NRG3: variants seen among roughly 807,000 people sequenced by gnomAD.
NRG3 encodes the protein neuregulin 3.
Under a neutral mutation model 66.9 loss-of-function variants are expected in NRG3, and 31 were observed. That is an observed-to-expected ratio of 0.46 (90% CI 0.35 to 0.63). The LOEUF (loss-of-function observed/expected upper bound fraction) is 0.63. Among genes scored for constraint, NRG3 ranks in the 20% least tolerant of loss-of-function variants. The pLI is 0.00. For missense variants in NRG3, 910 were observed against 878.9 expected (o/e 1.04, Z -0.45); for synonymous variants, 393 against 359.4 (o/e 1.09, Z -1.06).
At chr10:82,028,505 A>G (rs1043820800) in intron 1 of NRG3, among the ~76,000 whole-genome samples, 3 of 152,076 alleles carry the variant, frequency 2.0e-5, no homozygotes, top group Admixed American at 1.3e-4. Context: ...ATCCTCACAT[A>G]TGAGGTACTT....
chr10:82,070,200 C>A (rs1408592961), intron 1 of NRG3, among the ~76,000 whole-genome samples: 1 of 152,126 alleles, frequency 6.6e-6, no homozygotes, highest in East Asian at 1.9e-4. Flanking sequence ...ATCTCCCTGT[C>A]TCCCCTCCTA....
At chr10:82,187,150 T>G (rs2073853847) in intron 1 of NRG3, among the ~76,000 whole-genome samples, 2 of 152,192 alleles carry the variant, frequency 1.3e-5, no homozygotes, top group South Asian at 4.1e-4. Context: ...TGTCTTTTTT[T>G]AAGCCAAGAT....
intron 2 of NRG3, among the ~76,000 whole-genome samples, chr10:82,438,417 G>A (rs186321927): frequency 6.6e-6 from 1 of 152,360 alleles, no homozygotes; most frequent in East Asian, 1.9e-4. Context: ...GGTGAAAAGT[G>A]CAGCCTGGAG....
intron 2 of NRG3, among the ~76,000 whole-genome samples, chr10:82,363,410 T>C (rs1217437525): frequency 2.0e-5 from 3 of 152,192 alleles, no homozygotes; most frequent in Non-Finnish European, 2.9e-5. Context: ...TTGTAGGTAA[T>C]ATTTTAGTAT....
At chr10:82,460,735 G>A (rs983582742) in intron 2 of NRG3, among the ~76,000 whole-genome samples, 6 of 152,130 alleles carry the variant, frequency 3.9e-5, no homozygotes, top group African/African-American at 1.4e-4. Flanking sequence ...ACTGCAGGGG[G>A]CCTGTTCTCA....
At chr10:82,936,977 T>G (rs1217584799) in intron 4 of NRG3, among the ~76,000 whole-genome samples, 2 of 152,168 alleles carry the variant, frequency 1.3e-5, no homozygotes, top group Non-Finnish European at 2.9e-5. Context: ...TTATCAGCAC[T>G]GATATTTATA....
At position 82,021,279 on chromosome 10, in the gene NRG3, G is replaced by A. The variant is rs143420416; in HGVS notation, c.823+145116G>A. On this transcript the variant is annotated intron_variant, in intron 1 of 8. Transcript: ENST00000372141. ...GCAAGGCTGCCTGGGACTGAGGGGCGTGGGAACTCTATTGATTTTTAGGTA... is the reference window on the plus strand; with the variant it reads ...GCAAGGCTGCCTGGGACTGAGGGGCATGGGAACTCTATTGATTTTTAGGTA... 1.1e-3 allele frequency among the ~76,000 whole-genome samples: 174 copies of A among 152,184 alleles called. 1 individual carries two copies. The highest frequency in any genetic ancestry group is 3.8e-3 in the African/African-American group (158 of 41,554).
intron 2 of NRG3, among the ~76,000 whole-genome samples, chr10:82,612,418 G>C (rs183713928): frequency 2.6e-5 from 4 of 151,908 alleles, no homozygotes; most frequent in Non-Finnish European, 4.4e-5. Flanking sequence ...AAAAATCAAT[G>C]TGATGTTAAA....
intron 3 of NRG3, among the ~76,000 whole-genome samples, chr10:82,795,475 C>T (rs1234332927): frequency 6.6e-6 from 1 of 152,188 alleles, no homozygotes; most frequent in Non-Finnish European, 1.5e-5. Flanking sequence ...CCTGATTCTT[C>T]CCCATGCTTT....
chr10:82,983,860 G>A (rs1853174394), intron 8 of NRG3, among the ~76,000 whole-genome samples: 1 of 152,194 alleles, frequency 6.6e-6, no homozygotes, highest in Admixed American at 6.5e-5. Context: ...ATTAGGCACA[G>A]TAAGAGAGGA....
chr10:82,885,710 G>C (rs2136088590), intron 4 of NRG3, among the ~76,000 whole-genome samples: 1 of 152,296 alleles, frequency 6.6e-6, no homozygotes, highest in South Asian at 2.1e-4. Flanking sequence ...TTGGGGGAAA[G>C]TTTACCGGAT....
At chr10:82,673,157 C>T (rs986348991) in intron 2 of NRG3, among the ~76,000 whole-genome samples, 5 of 152,188 alleles carry the variant, frequency 3.3e-5, no homozygotes, top group African/African-American at 4.8e-5. Flanking sequence ...TGAATGAGTG[C>T]GCCCTGAGAT....
intron 3 of NRG3, chr10:82,843,179 G>A (rs1180476311): frequency 6.9e-6 from 3 of 432,582 alleles, no homozygotes; most frequent in East Asian, 7.1e-5. Flanking sequence ...TGATTTGAAT[G>A]TTTGTCCCCT....
intron 1 of NRG3, among the ~76,000 whole-genome samples, chr10:82,118,560 G>A (rs12240519): frequency 0.11 from 17,240 of 151,958 alleles, 1,529 homozygotes; most frequent in African/African-American, 0.24. Context: ...AAAGAAGAGA[G>A]CCAGTCTCTT....
At chr10:82,734,627 T>C (rs373171126) in intron 2 of NRG3, among the ~76,000 whole-genome samples, 2 of 152,196 alleles carry the variant, frequency 1.3e-5, no homozygotes, top group East Asian at 3.9e-4. Context: ...ACTTACCTGC[T>C]CTACTCTGCT....
At chr10:82,211,339 T>TA (rs2075382643) in intron 1 of NRG3, among the ~76,000 whole-genome samples, 1 of 152,152 alleles carries the variant, frequency 6.6e-6, no homozygotes, top group Admixed American at 6.6e-5. Context: ...TCTTTTTCTT[T>TA]AAAGAGTTCT....
intron 1 of NRG3, among the ~76,000 whole-genome samples, chr10:82,174,478 G>A (rs945655945): frequency 1.1e-4 from 16 of 151,562 alleles, no homozygotes; most frequent in Admixed American, 2.0e-4. Flanking sequence ...CTGGCCCTTC[G>A]CTCTGACAAT....
rs576273376 is a variant in NRG3 at position 82,202,510 on chromosome 10, C to T, written c.824-156229C>T. ...TCTGTAGATACCTTTTTACCTCCTT[C>T]GGTCAATGAATAAGTGCTACTGAGT... is the stretch of plus-strand genomic sequence containing the variant. On this transcript the variant is annotated intron_variant, in intron 1 of 8. Transcript: ENST00000372141. Among the ~76,000 whole-genome samples the T allele has an allele frequency of 7.9e-5, 12 of 152,216 alleles. No individual in the cohort carries two copies. The East Asian group carries it at 1.7e-3, about 22-fold the overall frequency.
At chr10:82,001,964 G>C (rs1343851815) in intron 1 of NRG3, among the ~76,000 whole-genome samples, 1 of 152,014 alleles carries the variant, frequency 6.6e-6, no homozygotes, top group Non-Finnish European at 1.5e-5. Flanking sequence ...CCTTTGTTTG[G>C]AGCCCATTGC....
Sources: allele counts gnomAD v4.1 joint callset (sites outside exome capture counted in the v4.1 genomes callset), GRCh38; gene constraint gnomAD v4.1.1; transcripts MANE v1.5; gene names NCBI Gene and HGNC (gene_info 2026-07-23, HGNC 2026-07-21).